Variants in CDKL5 observed in about 807,000 individuals in gnomAD.
The protein encoded by CDKL5 is cyclin-dependent kinase-like 5.
A neutral mutation model predicts 61.7 loss-of-function variants in CDKL5; 8 were observed. The ratio of observed to expected loss-of-function variants is 0.13; its 90% CI spans 0.08 to 0.23. The LOEUF is 0.23. Among genes scored for constraint, CDKL5 ranks in the 10% least tolerant of loss-of-function variants. CDKL5 has a pLI of 1.00. For synonymous variants in CDKL5, 275 were observed against 272.3 expected, an observed-to-expected ratio of 1.01 and a Z score of -0.10; for missense variants, 440 against 734.5, an observed-to-expected ratio of 0.60 and a Z score of 4.63.
At chrX:18,530,425 G>T (rs1379309403) in intron 3 of CDKL5, among the ~76,000 whole-genome samples, 1 of 110,521 alleles carries the variant, frequency 9.0e-6, no homozygotes, top group Admixed American at 9.7e-5. Context: ...ACAGCCTAGT[G>T]ATTTTTTGCT....
intron 1 of CDKL5, among the ~76,000 whole-genome samples, chrX:18,431,423 C>CTTTTCTTTTTTTTTTTTTTTTTTTTT (rs1931484876): frequency 2.1e-5 from 2 of 95,530 alleles, no homozygotes; most frequent in African/African-American, 7.6e-5. Flanking sequence ...GATTTCTTTT[C>CTTTTCTTTTTTTTTTTTTTTTTTTTT]TTTTTTTTTT....
At chrX:18,642,002 C>A (rs756606916), downstream of CDKL5, 401 of 1,209,631 alleles carry the variant, frequency 3.3e-4, no homozygotes, top group Non-Finnish European at 4.1e-4. Flanking sequence ...CTGAGGCAGG[C>A]ATCAGGCACA....
At chrX:18,615,283 C>T (rs1410118824) in intron 15 of CDKL5, among the ~76,000 whole-genome samples, 2 of 112,257 alleles carry the variant, frequency 1.8e-5, no homozygotes, top group Non-Finnish European at 3.8e-5. Flanking sequence ...TTCAACTTGA[C>T]TCATCTTGAT....
At chrX:18,557,369 A>G (rs749103738) in intron 3 of CDKL5, among the ~76,000 whole-genome samples, 4 of 112,241 alleles carry the variant, frequency 3.6e-5, no homozygotes, top group African/African-American at 1.3e-4. Flanking sequence ...GCGAATGTGC[A>G]TAGGTTATAT....
exon 22 of CDKL5, chrX:18,653,607 A>C (rs1928144581): frequency 7.9e-6 from 9 of 1,133,194 alleles, no homozygotes; most frequent in Non-Finnish European, 1.1e-5. Flanking sequence ...AGAACCAATT[A>C]ACACCAATGA....
At chrX:18,582,427 G>A (rs1352190220) in intron 7 of CDKL5, among the ~76,000 whole-genome samples, 2 of 111,466 alleles carry the variant, frequency 1.8e-5, no homozygotes, top group Non-Finnish European at 3.8e-5. Flanking sequence ...GCTTTTGATT[G>A]AATGTATAGG....
At chrX:18,483,504 G>A (rs934324556) in intron 1 of CDKL5, among the ~76,000 whole-genome samples, 1 of 110,232 alleles carries the variant, frequency 9.1e-6, no homozygotes, top group South Asian at 4.0e-4. Flanking sequence ...TGCAACCTCT[G>A]CCTCCCGGGT....
At chrX:18,531,792 T>C (rs989900610) in intron 3 of CDKL5, among the ~76,000 whole-genome samples, 4 of 108,327 alleles carry the variant, frequency 3.7e-5, no homozygotes, top group African/African-American at 1.4e-4. Flanking sequence ...CTGCAAGCTC[T>C]GCTTCCCGGG....
chrX:18,441,830 C>T (rs112449614), intron 1 of CDKL5, among the ~76,000 whole-genome samples: 1,696 of 111,088 alleles, frequency 0.015, 37 homozygotes, highest in African/African-American at 0.052. Context: ...TGATATTCTG[C>T]TCTTACTGTT....
chrX:18,609,441 T>C (rs777564498), intron 13 of CDKL5, 24 bp from the exon 14 acceptor site: 50 of 1,211,378 alleles, frequency 4.1e-5, no homozygotes, highest in Non-Finnish European at 5.4e-5. Context: ...GGCTTAACTT[T>C]TATAAATTTC....
intron 1 of CDKL5, among the ~76,000 whole-genome samples, chrX:18,427,504 C>T (rs1396547418): frequency 9.1e-6 from 1 of 109,997 alleles, no homozygotes; most frequent in Non-Finnish European, 1.9e-5. Flanking sequence ...GTTAACCATT[C>T]CAAGAGTGTT....
chrX:18,630,976 A>G lies in CDKL5; in HGVS notation c.*2219A>G. 2 of 746,973 alleles carry G rather than the reference A, an allele frequency of 2.7e-6. No homozygotes were observed. Among genetic ancestry groups the G allele is most frequent in the Non-Finnish European group, 1.6e-6 (1 of 637,242 alleles). The allele number at this position is 746,973 out of a possible 1,213,427, so 61.6% of individuals were successfully genotyped here. A position where few individuals can be genotyped will look rare whatever the true frequency, so the allele number is the denominator to read the frequency against. ...TCTCTACCTTGTATTCCCCCCTTGC[A>G]AACCAGAAACTACACTTTTTTTCTC... On this transcript the variant is annotated 3_prime_UTR_variant, in exon 18 of 18. Transcript: ENST00000623535.
At chrX:18,432,779 T>C (rs1169904566) in intron 1 of CDKL5, among the ~76,000 whole-genome samples, 1 of 110,314 alleles carries the variant, frequency 9.1e-6, no homozygotes, top group Non-Finnish European at 1.9e-5. Flanking sequence ...GCTAATTTTT[T>C]TGTATTTTGT....
intron 1 of CDKL5, among the ~76,000 whole-genome samples, chrX:18,468,736 A>G (rs1920987279): frequency 9.0e-6 from 1 of 111,450 alleles, no homozygotes; most frequent in Non-Finnish European, 1.9e-5. Context: ...CCCCAGTACT[A>G]CTAGCTACTT....
chrX:18,452,022 CT>C (rs1449309758), intron 1 of CDKL5, among the ~76,000 whole-genome samples: 1 of 112,088 alleles, frequency 8.9e-6, no homozygotes, highest in African/African-American at 3.2e-5. Flanking sequence ...TGCAAGACTA[CT>C]TTTCTGGTTT....
intron 1 of CDKL5, among the ~76,000 whole-genome samples, chrX:18,465,522 A>G (rs1249018309): frequency 9.0e-6 from 1 of 110,824 alleles, no homozygotes; most frequent in Non-Finnish European, 1.9e-5. Context: ...AAAAAAAATT[A>G]GCTGGATATG....
chrX:18,562,729 C>T (rs904221448), intron 3 of CDKL5, among the ~76,000 whole-genome samples: 3 of 111,728 alleles, frequency 2.7e-5, no homozygotes. Context: ...TTCATCTGTT[C>T]GATTTCATTC....
At chrX:18,487,006 A>G (rs1921815953) in intron 1 of CDKL5, among the ~76,000 whole-genome samples, 1 of 111,918 alleles carries the variant, frequency 8.9e-6, no homozygotes, top group Admixed American at 9.5e-5. Flanking sequence ...AAGAAAGACC[A>G]GTGAATTTTC....
intron 3 of CDKL5, chrX:18,535,046 G>C (rs142909002): frequency 8.9e-6 from 1 of 112,044 alleles, no homozygotes; most frequent in Admixed American, 9.4e-5. Flanking sequence ...TTTTTTAAGT[G>C]AACTAACAGC....
Sources: gnomAD v4.1 joint callset for allele counts (sites outside exome capture counted in the v4.1 genomes callset) on GRCh38, gnomAD v4.1.1 for gene constraint, MANE v1.5 for transcripts, NCBI Gene and HGNC (gene_info 2026-07-23, HGNC 2026-07-21) for gene names.